The following FRY variants were observed in gnomAD, a reference collection of about 807,000 sequenced individuals.
FRY encodes protein furry homolog.
FRY carries 128 observed loss-of-function variants against 348.4 expected under a neutral mutation model. The ratio of observed to expected loss-of-function variants is 0.37; its 90% confidence interval spans 0.32 to 0.43. The LOEUF is 0.43. Ranked by LOEUF, FRY falls within the 20% of genes least tolerant of loss-of-function variation. The pLI, the probability that FRY is intolerant of heterozygous loss-of-function variation, is 1.00. For synonymous variants in FRY, 1,370 were observed against 1,374.7 expected, an observed-to-expected ratio of 1.00 and a Z score of 0.08; for missense variants, 2,736 against 3,695.2, an observed-to-expected ratio of 0.74 and a Z score of 6.73.
chr13:32,150,072 A>G (rs1880705618), intron 14 of FRY, among the ~76,000 whole-genome samples: 1 of 152,222 alleles, frequency 6.6e-6, no homozygotes, highest in South Asian at 2.1e-4. Flanking sequence ...TTCTTGTAAA[A>G]CAAAGTAATT....
rs762736283 is a variant in FRY at position 32,187,541 on chromosome 13, A to G, written c.3481-5A>G. 6.4e-7 allele frequency: 1 copy of G among 1,565,888 alleles called. No homozygotes were observed. The highest frequency in any genetic ancestry group is 8.8e-7 in the Non-Finnish European group (1 of 1,135,990). On this transcript the variant is annotated splice_polypyrimidine_tract_variant and splice_region_variant and intron_variant, in intron 27 of 60. Coordinates refer to ENST00000542859, the MANE Select transcript of FRY (RefSeq NM_023037.3). ...TTCCATGTCTTGTTGTGTTTTTATC[A>G]TCAGGCAATGTCAGCAGTACTGTGC...
chr13:32,274,477 G>A (rs1055297135), intron 55 of FRY, among the ~76,000 whole-genome samples: 4 of 151,018 alleles, frequency 2.6e-5, no homozygotes, highest in Admixed American at 1.3e-4. Flanking sequence ...GGAGGCCGAG[G>A]CGGGCGGATC....
chr13:32,190,170 A>T (rs1391175086), intron 28 of FRY, among the ~76,000 whole-genome samples: 1 of 148,870 alleles, frequency 6.7e-6, no homozygotes, highest in Non-Finnish European at 1.5e-5. Context: ...AGGCACCTTG[A>T]AAAAAAAAAC....
At chr13:32,247,971 C>T (rs948533565) in intron 48 of FRY, among the ~76,000 whole-genome samples, 1 of 152,024 alleles carries the variant, frequency 6.6e-6, no homozygotes, top group African/African-American at 2.4e-5. Flanking sequence ...TTGAAGCGGG[C>T]AGGGGAGAGA....
chr13:32,122,350 G>A (rs1339208644), intron 4 of FRY, among the ~76,000 whole-genome samples: 2 of 151,908 alleles, frequency 1.3e-5, no homozygotes, highest in African/African-American at 4.8e-5. Flanking sequence ...GGCTGAGGCG[G>A]GATAATGGTG....
chr13:32,186,333 A>T lies in FRY; in HGVS notation c.3393A>T (p.Ala1131=). The T allele has an allele frequency of 6.2e-7, 1 of 1,610,524 alleles. No individual in the cohort carries two copies. The highest frequency in any genetic ancestry group is 8.5e-7 in the Non-Finnish European group (1 of 1,176,698). ...HHLFILFSQW[A]GPFSIMFTPL... ...TTTTCATCTTATTCAGCCAGTGGGC[A>T]GGACCCTTCAGCATTATGTTCACTC... The change falls in exon 27 of 61, where the codon GCA becomes GCT. Residue 1131 remains alanine (A), a synonymous_variant. Coordinates refer to ENST00000542859, the MANE Select transcript of FRY (RefSeq NM_023037.3).
At chr13:32,204,087 A>C (rs2138334516) in intron 31 of FRY, among the ~76,000 whole-genome samples, 1 of 152,268 alleles carries the variant, frequency 6.6e-6, no homozygotes, top group East Asian at 1.9e-4. Context: ...ATATTTATAA[A>C]CCCTGGTATA....
chr13:32,103,445 G>A (rs1200398951), intron 3 of FRY, among the ~76,000 whole-genome samples: 1 of 152,210 alleles, frequency 6.6e-6, no homozygotes, highest in Non-Finnish European at 1.5e-5. Context: ...TCATAGGTAG[G>A]AATTGAACAA....
In FRY at chr13:32,049,651, G is replaced by A. The variant is rs369455254; in HGVS notation, c.70+17786G>A. 9.9e-5 allele frequency among the ~76,000 whole-genome samples: 15 copies of A among 152,284 alleles called. 1 individual carries two copies. Among genetic ancestry groups the A allele is most frequent in the African/African-American group, 3.6e-4 (15 of 41,562 alleles). ...ATGATCACATCCCAGCAAATTCAGG[G>A]ACTCTGCACTGAGAATGGAGGTAGG... On this transcript the variant is annotated intron_variant, in intron 1 of 60. Transcript: ENST00000542859.
chr13:32,236,224 T>TAC, intron 43 of FRY, 52 bp downstream of exon 43: 4 of 1,279,428 alleles, frequency 3.1e-6, no homozygotes, highest in Non-Finnish European at 4.6e-6. Context: ...CACAGGAGTA[T>TAC]TTGGGAGATG....
At chr13:32,160,794 C>CTGAATGAAATACATTTTTAAATGG (rs1881397239) in intron 16 of FRY, among the ~76,000 whole-genome samples, 1 of 152,206 alleles carries the variant, frequency 6.6e-6, no homozygotes, top group Non-Finnish European at 1.5e-5. Context: ...TTTTTAAATG[C>CTGAATGAAATACATTTTTAAATGG]TGAATGAAAT....
rs763380266 is a variant in FRY, at chr13:32,274,877, T to C, written c.8172T>C (p.Asp2724=). ...AAAGGTTCTGCTTCCTAACCTGTGA[T>C]GCAGCCAGTTACCTTGGAGATAACC... The part of the protein sequence containing the change: ...IQKRFCFLTC[D]AASYLGDNLR... Residue 2724 remains aspartate (D), a synonymous_variant, in exon 56 of 61, where the codon GAT becomes GAC. Coordinates refer to ENST00000542859, the MANE Select transcript of FRY (RefSeq NM_023037.3). 1.9e-6 allele frequency: 3 copies of C among 1,613,590 alleles called. No homozygotes were observed. Among genetic ancestry groups the C allele is most frequent in the Non-Finnish European group, 8.5e-7 (1 of 1,179,480 alleles).
At chr13:32,274,780 T>C (rs1888433931) in intron 55 of FRY, 62 bp from the exon 56 acceptor site, 2 of 1,185,848 alleles carry the variant, frequency 1.7e-6, no homozygotes, top group East Asian at 5.3e-5. Flanking sequence ...TCCCCCAAAA[T>C]ATGTTTTATC....
intron 8 of FRY, 107 bp from the exon 9 acceptor site, chr13:32,134,797 T>A: frequency 1.3e-6 from 1 of 793,312 alleles, no homozygotes; most frequent in Non-Finnish European, 2.3e-6. Flanking sequence ...ATATGCTCTG[T>A]TGATACATGA....
Position 32,047,040 on chromosome 13 carries a change from G to T in FRY, c.70+15175G>T, listed in dbSNP as rs111753662. Among the ~76,000 whole-genome samples, 593 of 152,020 alleles carry T rather than the reference G, an allele frequency of 3.9e-3. 3 individuals carry two copies. The highest frequency in any genetic ancestry group is 0.014 in the African/African-American group (570 of 41,444). On this transcript the variant is annotated intron_variant, in intron 1 of 60. Transcript: ENST00000542859. Reference sequence around the variant, plus strand: ...ACCTGATGTGTATGAGCTGTATATGGGTATATATGTATATATAGAGAGAGA... The same window carrying T: ...ACCTGATGTGTATGAGCTGTATATGTGTATATATGTATATATAGAGAGAGA...
At chr13:32,083,424 T>TAA (rs1300620077) in intron 2 of FRY, among the ~76,000 whole-genome samples, 1 of 152,234 alleles carries the variant, frequency 6.6e-6, no homozygotes, top group Admixed American at 6.5e-5. Context: ...TTGTGTCTGC[T>TAA]AACTCTTCTG....
chr13:32,190,396 T>C (rs1419981059), intron 28 of FRY, among the ~76,000 whole-genome samples: 1 of 151,990 alleles, frequency 6.6e-6, no homozygotes, highest in Admixed American at 6.6e-5. Flanking sequence ...GTGACACAAT[T>C]GTGTGTGTAG....
rs1179555810 is a variant in FRY at position 32,147,854 on chromosome 13, C to A, written c.1299C>A (p.Ile433=). Residue 433 remains isoleucine (I), a synonymous_variant, in exon 13 of 61, where the codon ATC becomes ATA. Transcript: ENST00000542859. Reference sequence around the variant, plus strand: ...TATCTTTCAGCCGACTTATAACCATCATCACAACACTTTTCCCCAAAGGGT... The same window carrying A: ...TATCTTTCAGCCGACTTATAACCATAATCACAACACTTTTCCCCAAAGGGT... ...NTATQSRLIT[I]ITTLFPKGSR... The A allele has an allele frequency of 1.2e-6, 2 of 1,601,870 alleles. No individual in the cohort carries two copies. Among genetic ancestry groups the A allele is most frequent in the Non-Finnish European group, 1.7e-6 (2 of 1,168,902 alleles).
At chr13:32,280,019 C>T (rs113180679) in intron 58 of FRY, among the ~76,000 whole-genome samples, 6 of 152,150 alleles carry the variant, frequency 3.9e-5, no homozygotes, top group African/African-American at 9.7e-5. Context: ...TTCTTGAAGA[C>T]GCACATTTAT....
Sources: allele counts gnomAD v4.1 joint callset (sites outside exome capture counted in the v4.1 genomes callset), GRCh38; gene constraint gnomAD v4.1.1; transcripts MANE v1.5; gene names NCBI Gene and HGNC (gene_info 2026-07-23, HGNC 2026-07-21).